The following RAMP1 variants were observed in gnomAD, a reference collection of about 807,000 sequenced individuals.
The protein encoded by RAMP1 is receptor activity-modifying protein 1.
A neutral mutation model predicts 8.2 loss-of-function variants in RAMP1; 7 were observed. The observed-to-expected ratio is 0.85, with a 90% CI of 0.49 to 1.60. RAMP1 has a LOEUF of 1.60. Among genes scored for constraint, RAMP1 ranks in the 40% most tolerant of loss-of-function variants. The pLI is 0.00. For missense variants in RAMP1, 192 were observed against 202.4 expected (o/e 0.95, Z 0.31); for synonymous variants, 92 against 84.7 (o/e 1.09, Z -0.47).
chr2:237,891,502 C>T (rs1002164461), intron 2 of RAMP1, among the ~76,000 whole-genome samples: 5 of 152,172 alleles, frequency 3.3e-5, no homozygotes, highest in African/African-American at 1.2e-4. Flanking sequence ...CTTCTCAAGA[C>T]AATTTTTTCC....
At chr2:237,891,946 C>G (rs1368212851) in intron 2 of RAMP1, among the ~76,000 whole-genome samples, 2 of 152,134 alleles carry the variant, frequency 1.3e-5, no homozygotes, top group Non-Finnish European at 2.9e-5. Flanking sequence ...CATCCTGATA[C>G]CTCTCCTTAT....
chr2:237,871,431 G>A (rs1167787122), intron 1 of RAMP1, among the ~76,000 whole-genome samples: 1 of 152,206 alleles, frequency 6.6e-6, no homozygotes, highest in Non-Finnish European at 1.5e-5. Flanking sequence ...TGCCTGAAAC[G>A]GACCAGGCCA....
intron 1 of RAMP1, among the ~76,000 whole-genome samples, chr2:237,874,277 C>A (rs1201922419): frequency 1.3e-5 from 2 of 152,242 alleles, no homozygotes; most frequent in Admixed American, 6.5e-5. Flanking sequence ...CAGGGAGGGC[C>A]ACCCTGTGGC....
rs1308928964 is a variant in RAMP1, at chr2:237,878,991, C to T, written c.191+1629C>T. Among the ~76,000 whole-genome samples the T allele has an allele frequency of 6.6e-6, 1 of 152,206 alleles. No individual in the cohort carries two copies. ...GGGCCCTGTGCCCTCAGCAGGGTCT[C>T]CTCACTCTACTGTACTGAAGGTCTC... is the stretch of plus-strand genomic sequence containing the variant. On this transcript the variant is annotated intron_variant, in intron 2 of 2. Transcript: ENST00000254661. The surrounding 1 kb of genome is among the most constrained non-coding windows in gnomAD (Gnocchi z 5.7).
In RAMP1 at chr2:237,890,907, C is replaced by A. The variant is rs191121782; in HGVS notation, c.191+13545C>A. Among the ~76,000 whole-genome samples the A allele has an allele frequency of 1.6e-4, 24 of 152,286 alleles. No individual in the cohort carries two copies. The East Asian group carries it at 3.9e-3, about 24-fold the overall frequency. ...AGTTTTGTAGTCTTTAGAAAATAGG[C>A]CACACTTTGCATCACCGTGTCTTTT... On this transcript the variant is annotated intron_variant, in intron 2 of 2. Transcript: ENST00000254661.
At chr2:237,879,293 TGCACACA>T (rs1262323768) in intron 2 of RAMP1, among the ~76,000 whole-genome samples, 2 of 151,900 alleles carry the variant, frequency 1.3e-5, no homozygotes, top group African/African-American at 4.8e-5. Flanking sequence ...AGCAGGGTAA[TGCACACA>T]GTGTTCTACA....
chr2:237,903,676 C>G (rs1374456316), intron 2 of RAMP1, among the ~76,000 whole-genome samples: 1 of 151,674 alleles, frequency 6.6e-6, no homozygotes, highest in Non-Finnish European at 1.5e-5. Context: ...ACAGGTGCAT[C>G]CCAGCACTGG....
intron 2 of RAMP1, among the ~76,000 whole-genome samples, chr2:237,902,605 G>A (rs984447899): frequency 1.3e-5 from 2 of 152,062 alleles, no homozygotes; most frequent in African/African-American, 2.4e-5. Flanking sequence ...CACGCAGGAG[G>A]CCACTGAGAC....
chr2:237,865,771 G>T lies in RAMP1; in HGVS notation c.52+6044G>T, dbSNP rs1398647498. Among the ~76,000 whole-genome samples, 1 of 152,128 alleles carries T rather than the reference G, an allele frequency of 6.6e-6. No homozygotes were observed. Among genetic ancestry groups the T allele is most frequent in the Admixed American group, 6.5e-5 (1 of 15,280 alleles). On this transcript the variant is annotated intron_variant, in intron 1 of 2. Coordinates refer to ENST00000254661, the MANE Select transcript of RAMP1 (RefSeq NM_005855.4). The surrounding 1 kb of genome is among the most constrained non-coding windows in gnomAD (Gnocchi z 4.2). ...AGAAACAGGCCCAGGCTCCTTGTGA[G>T]AGGCCAGAGAGGACGGCCAGGGAGG...
intron 2 of RAMP1, among the ~76,000 whole-genome samples, chr2:237,887,903 A>G (rs1371846155): frequency 6.6e-6 from 1 of 152,260 alleles, no homozygotes; most frequent in African/African-American, 2.4e-5. Context: ...TGACAAAGTG[A>G]GACCTTGTCT....
intron 2 of RAMP1, among the ~76,000 whole-genome samples, chr2:237,885,877 A>G (rs1216407415): frequency 1.3e-5 from 2 of 151,894 alleles, no homozygotes; most frequent in Non-Finnish European, 2.9e-5. Context: ...CCGGCTGCTG[A>G]CCCCTGACCT....
chr2:237,877,386 G>T lies in RAMP1; in HGVS notation c.191+24G>T. 6.2e-7 allele frequency: 1 copy of T among 1,602,152 alleles called. No individual in the cohort carries two copies. The highest frequency in any genetic ancestry group is 8.5e-7 in the Non-Finnish European group (1 of 1,174,042). On this transcript the variant is annotated intron_variant, in intron 2 of 2. Transcript: ENST00000254661. The surrounding 1 kb of genome is among the most constrained non-coding windows in gnomAD (Gnocchi z 4.4). ...AGGTGAGTCCCATGGCCCCTGGTGG[G>T]CAGGACACGGTTGGGGAGGGAGAGG...
At chr2:237,891,564 T>A (rs948944613) in intron 2 of RAMP1, among the ~76,000 whole-genome samples, 1 of 152,248 alleles carries the variant, frequency 6.6e-6, no homozygotes, top group Non-Finnish European at 1.5e-5. Context: ...TTGTTCTTAA[T>A]CTCTTTTTTT....
At chr2:237,870,919 G>A (rs1245409250) in intron 1 of RAMP1, among the ~76,000 whole-genome samples, 3 of 152,226 alleles carry the variant, frequency 2.0e-5, no homozygotes, top group Admixed American at 1.3e-4. Flanking sequence ...CAGGCACTTC[G>A]TGGGGGTAGA....
chr2:237,880,111 A>G (rs936231183), intron 2 of RAMP1, among the ~76,000 whole-genome samples: 6 of 152,130 alleles, frequency 3.9e-5, no homozygotes, highest in African/African-American at 1.4e-4. Context: ...CGTTTGGCAG[A>G]ATGATGCCCC....
At position 237,911,750 on chromosome 2, in the gene RAMP1, C is replaced by A; in HGVS notation, c.414C>A (p.Val138=). ...TVTLLVTALV[V]WQSKRTEGIV ...CCCTGCTGGTGACGGCACTGGTGGTCTGGCAGAGCAAGCGCACTGAGGGCA... is the reference window on the plus strand; with the variant it reads ...CCCTGCTGGTGACGGCACTGGTGGTATGGCAGAGCAAGCGCACTGAGGGCA... Residue 138 remains valine, a synonymous_variant, in exon 3 of 3, where the codon GTC becomes GTA. Transcript: ENST00000254661. The A allele has an allele frequency of 6.2e-7, 1 of 1,612,316 alleles. No homozygotes were observed. The highest frequency in any genetic ancestry group is 1.1e-5 in the South Asian group (1 of 90,664).
intron 2 of RAMP1, among the ~76,000 whole-genome samples, chr2:237,883,387 G>A (rs2062391611): frequency 6.6e-6 from 1 of 152,216 alleles, no homozygotes; most frequent in Admixed American, 6.5e-5. Flanking sequence ...GGAGTAAGTG[G>A]GGGCTGAGAC....
At position 237,866,917 on chromosome 2, in the gene RAMP1, C is replaced by T. The variant is rs563305613; in HGVS notation, c.52+7190C>T. On this transcript the variant is annotated intron_variant, in intron 1 of 2. Coordinates refer to ENST00000254661, the MANE Select transcript of RAMP1 (RefSeq NM_005855.4). ...CAAATTTTTGTATTTTTGGTAGAGA[C>T]GGGGTTTCACTATCTTGGCCAGGCT... is the stretch of plus-strand genomic sequence containing the variant. Among the ~76,000 whole-genome samples the T allele has an allele frequency of 8.6e-5, 13 of 152,032 alleles. No individual in the cohort carries two copies. In the South Asian group the frequency reaches 2.5e-3, roughly 29 times the overall value.
chr2:237,911,193 AAGGAGCTGGTGGCAG>A (rs1434289473), intron 2 of RAMP1, among the ~76,000 whole-genome samples: 4 of 152,140 alleles, frequency 2.6e-5, no homozygotes, highest in Admixed American at 6.5e-5. Context: ...AGGGTGGCAG[AAGGAGCTGGTGGCAG>A]AGGAGCTGGT....
Sources: allele counts gnomAD v4.1 joint callset (sites outside exome capture counted in the v4.1 genomes callset), GRCh38; gene constraint gnomAD v4.1.1; non-coding constraint Gnocchi (gnomAD v3.1); transcripts MANE v1.5; gene names NCBI Gene and HGNC (gene_info 2026-07-23, HGNC 2026-07-21).